Variants in FBN2 observed in about 807,000 individuals in gnomAD.
The protein encoded by FBN2 is fibrillin-2.
In FBN2, 105 loss-of-function variants were observed where a neutral mutation model predicts 355.6. That is an observed-to-expected ratio of 0.30 (90% CI 0.25 to 0.35). The LOEUF (loss-of-function observed/expected upper bound fraction) is 0.35. FBN2 is among the 10% of genes least tolerant of loss of function. The pLI is 1.00. For missense variants in FBN2, 3,280 were observed against 3,758.7 expected (o/e 0.87, Z 3.33); for synonymous variants, 1,350 against 1,301.2 (o/e 1.04, Z -0.81).
At chr5:128,344,583 A>G in intron 24 of FBN2, 73 bp from the exon 25 acceptor site, 1 of 1,431,276 alleles carries the variant, frequency 7.0e-7, no homozygotes, top group Non-Finnish European at 9.8e-7. Context: ...TAAGTTAAAA[A>G]TCTATCATGA....
chr5:128,330,350 T>A (rs1256786769), intron 33 of FBN2, among the ~76,000 whole-genome samples: 3 of 152,176 alleles, frequency 2.0e-5, no homozygotes. Context: ...AGTACATGAT[T>A]GTTACAAATG....
At chr5:128,528,310 G>A (rs1424216696) in intron 3 of FBN2, among the ~76,000 whole-genome samples, 1 of 152,178 alleles carries the variant, frequency 6.6e-6, no homozygotes, top group Non-Finnish European at 1.5e-5. Context: ...GCTCAGTGCA[G>A]TACTGTCATA....
intron 7 of FBN2, among the ~76,000 whole-genome samples, chr5:128,424,162 T>C (rs889555837): frequency 6.6e-6 from 1 of 151,976 alleles, no homozygotes; most frequent in Admixed American, 6.6e-5. Flanking sequence ...CAGACAAAGG[T>C]AGGGAACTCA....
intron 7 of FBN2, among the ~76,000 whole-genome samples, chr5:128,438,734 C>A (rs903107868): frequency 6.6e-6 from 1 of 152,038 alleles, no homozygotes; most frequent in Non-Finnish European, 1.5e-5. Flanking sequence ...ACTGAGGGCT[C>A]AAGAAAAAAA....
At chr5:128,401,688 G>C (rs1361032771) in intron 8 of FBN2, among the ~76,000 whole-genome samples, 1 of 152,160 alleles carries the variant, frequency 6.6e-6, no homozygotes, top group Non-Finnish European at 1.5e-5. Flanking sequence ...GGCTGAGGCA[G>C]GGTAATCACT....
At chr5:128,533,932 C>T (rs1164489402) in intron 2 of FBN2, among the ~76,000 whole-genome samples, 4 of 151,564 alleles carry the variant, frequency 2.6e-5, no homozygotes, top group Non-Finnish European at 4.4e-5. Context: ...GGAAGTACTT[C>T]AGTAATTTTT....
chr5:128,266,806 T>C (rs1325957658), intron 62 of FBN2, among the ~76,000 whole-genome samples: 14 of 151,254 alleles, frequency 9.3e-5, no homozygotes, highest in African/African-American at 3.4e-4. Flanking sequence ...ATAAATATTG[T>C]AATATAATAA....
rs115732686 is a variant in FBN2, at chr5:128,349,248, C to T, written c.2989+99G>A. On this transcript the variant is annotated intron_variant, in intron 23 of 64. Transcript: ENST00000262464. ...AAATATCTCATTTAAAGCAAGTTTT[C>T]TCAAGTACAAACTCTTGTGGTTTTG... is the stretch of plus-strand genomic sequence containing the variant. 1.6e-3 allele frequency: 2,309 copies of T among 1,427,646 alleles called. 27 individuals are homozygous for T. In the African/African-American group the frequency reaches 0.024, roughly 15 times the overall value. The allele number at this position is 1,427,646 out of a possible 1,614,324, so 88.4% of individuals were successfully genotyped here.
At chr5:128,494,824 C>A (rs1755611537) in intron 5 of FBN2, among the ~76,000 whole-genome samples, 2 of 152,024 alleles carry the variant, frequency 1.3e-5, no homozygotes, top group South Asian at 2.1e-4. Context: ...GGGGTGTGGG[C>A]AGTATCAAAA....
chr5:128,463,858 G>C (rs1046710474), intron 6 of FBN2, among the ~76,000 whole-genome samples: 1 of 152,076 alleles, frequency 6.6e-6, no homozygotes, highest in African/African-American at 2.4e-5. Flanking sequence ...AACTCTCAAA[G>C]TCTCAAATAT....
At chr5:128,274,475 T>A in intron 60 of FBN2, 92 bp downstream of exon 60, 1 of 786,744 alleles carries the variant, frequency 1.3e-6, no homozygotes, top group Non-Finnish European at 2.3e-6. Context: ...TGAACATAAA[T>A]ACCAGGACAT....
chr5:128,433,772 G>A (rs1327912384), intron 7 of FBN2, among the ~76,000 whole-genome samples: 1 of 152,134 alleles, frequency 6.6e-6, no homozygotes, highest in Non-Finnish European at 1.5e-5. Flanking sequence ...TTTGTCCTAT[G>A]TTAGCTGCTG....
intron 7 of FBN2, among the ~76,000 whole-genome samples, chr5:128,430,234 T>C (rs1394069764): frequency 6.6e-6 from 1 of 152,100 alleles, no homozygotes; most frequent in Non-Finnish European, 1.5e-5. Flanking sequence ...AGTAGTTTTT[T>C]CATTTTTCAT....
chr5:128,516,863 T>C (rs1024756807), intron 5 of FBN2, among the ~76,000 whole-genome samples: 1 of 152,182 alleles, frequency 6.6e-6, no homozygotes, highest in Non-Finnish European at 1.5e-5. Flanking sequence ...AATGGGTTAT[T>C]ATACATGTAT....
chr5:128,271,376 G>A (rs1384256488), intron 62 of FBN2, among the ~76,000 whole-genome samples: 4 of 152,132 alleles, frequency 2.6e-5, no homozygotes, highest in Admixed American at 2.6e-4. Flanking sequence ...GGCTATCCAA[G>A]TAGAGAATAA....
chr5:128,273,767 A>T, intron 61 of FBN2, 73 bp downstream of exon 61: 1 of 1,484,986 alleles, frequency 6.7e-7, no homozygotes, highest in South Asian at 1.1e-5. Flanking sequence ...GATTATACCA[A>T]TTTGTCTTGG....
In FBN2 at chr5:128,258,506, A is replaced by G. The variant is rs980266256; in HGVS notation, c.*949T>C. 1 of 152,654 alleles carries G rather than the reference A, an allele frequency of 6.6e-6. No homozygotes were observed. Among genetic ancestry groups the G allele is most frequent in the Non-Finnish European group, 1.5e-5 (1 of 68,044 alleles). 9.5% of individuals were successfully genotyped at this position (152,654 alleles called of 1,614,324 possible). On this transcript the variant is annotated 3_prime_UTR_variant, in exon 65 of 65. Transcript: ENST00000262464. ...ACCATTATTTAAGACAGCACGAAAC[A>G]CCACAGAATGCCAGGTGTTCCCTTT...
At chr5:128,322,483 A>C (rs564505963) in intron 34 of FBN2, among the ~76,000 whole-genome samples, 1 of 152,164 alleles carries the variant, frequency 6.6e-6, no homozygotes. Flanking sequence ...AAAGGGGTGC[A>C]GTTTCAGTTT....
intron 5 of FBN2, among the ~76,000 whole-genome samples, chr5:128,469,372 T>A (rs1411194448): frequency 3.3e-5 from 5 of 151,762 alleles, no homozygotes; most frequent in Non-Finnish European, 7.4e-5. Flanking sequence ...CTATTAAAAA[T>A]ACAAAAAAAT....
Sources: allele counts gnomAD v4.1 joint callset (sites outside exome capture counted in the v4.1 genomes callset), GRCh38; gene constraint gnomAD v4.1.1; transcripts MANE v1.5; gene names NCBI Gene and HGNC (gene_info 2026-07-23, HGNC 2026-07-21).